Variants in ASB7 observed in about 807,000 individuals in gnomAD.
The protein encoded by ASB7 is ankyrin repeat and SOCS box protein 7.
ASB7 carries 4 observed loss-of-function variants against 32.5 expected under a neutral mutation model. That is an observed-to-expected ratio of 0.12 (90% CI 0.06 to 0.28). The LOEUF (loss-of-function observed/expected upper bound fraction) is 0.28, where lower values mean the gene tolerates loss of function less well. Ranked by LOEUF, ASB7 falls within the 10% of genes least tolerant of loss-of-function variation. The pLI is 1.00. For missense variants in ASB7, 181 were observed against 407.1 expected (o/e 0.44, Z 4.78); for synonymous variants, 172 against 155.6 (o/e 1.11, Z -0.78).
intron 4 of ASB7, among the ~76,000 whole-genome samples, chr15:100,615,429 A>T (rs1347326540): frequency 6.6e-6 from 1 of 152,240 alleles, no homozygotes; most frequent in Non-Finnish European, 1.5e-5. Flanking sequence ...CTATTAATAC[A>T]TATTGATTCA....
At chr15:100,644,617 C>T (rs547299527) in intron 5 of ASB7, among the ~76,000 whole-genome samples, 19 of 152,344 alleles carry the variant, frequency 1.2e-4, no homozygotes, top group Non-Finnish European at 2.5e-4. Flanking sequence ...GTCCTCCCCT[C>T]ATGGAGCATG....
At chr15:100,634,135 G>A (rs2039905162) in intron 5 of ASB7, among the ~76,000 whole-genome samples, 1 of 152,196 alleles carries the variant, frequency 6.6e-6, no homozygotes, top group African/African-American at 2.4e-5. Context: ...CACCCATCCT[G>A]AAGAATCAGA....
chr15:100,629,851 G>A lies in ASB7; in HGVS notation c.626G>A (p.Gly209Asp). The A allele has an allele frequency of 6.2e-7, 1 of 1,614,212 alleles. No homozygotes were observed. The highest frequency in any genetic ancestry group is 8.5e-7 in the Non-Finnish European group (1 of 1,180,036). The change falls in exon 5 of 6, where the codon GGT becomes GAT. Residue 209 changes from glycine to aspartate, a missense_variant. Transcript: ENST00000332783. The surrounding 1 kb of genome is among the most constrained non-coding windows in gnomAD (Gnocchi z 6.8). ...FLQRGADTNL[G>D]RLEDGQTPLH... The stretch of plus-strand genomic sequence containing the variant: ...CAGAGAGGGGCAGACACAAACTTGG[G>A]TCGCTTAGAAGACGGACAGACTCCT...
chr15:100,645,981 G>A (rs1352188368), intron 5 of ASB7: 3 of 508,250 alleles, frequency 5.9e-6, no homozygotes, highest in African/African-American at 1.9e-5. Flanking sequence ...TTCTTGGTCA[G>A]TTTGTGGATT....
At position 100,606,644 on chromosome 15, in the gene ASB7, C is replaced by G. The variant is rs186259629; in HGVS notation, c.-173-3063C>G. ...ATTAGATGGTAATGTACTTGAATTT[C>G]TAAATTAGTAGTTTTTAATATGGTC... On this transcript the variant is annotated intron_variant, in intron 2 of 5. Transcript: ENST00000332783. Among the ~76,000 whole-genome samples the G allele has an allele frequency of 2.6e-3, 399 of 152,276 alleles. 1 individual carries two copies. Among genetic ancestry groups the G allele is most frequent in the Non-Finnish European group, 4.8e-3 (325 of 68,018 alleles).
intron 4 of ASB7, among the ~76,000 whole-genome samples, chr15:100,620,072 A>G (rs2039778206): frequency 6.6e-6 from 1 of 152,208 alleles, no homozygotes; most frequent in African/African-American, 2.4e-5. Context: ...TGGAGAGCAC[A>G]GTTGTCCTTT....
chr15:100,642,258 C>T (rs1261262297), intron 5 of ASB7, among the ~76,000 whole-genome samples: 1 of 152,104 alleles, frequency 6.6e-6, no homozygotes, highest in Admixed American at 6.5e-5. Context: ...CAGTGCTTCC[C>T]TTGAATTGAA....
In ASB7 at chr15:100,624,660, A is replaced by G. The variant is rs189297089; in HGVS notation, c.212-4777A>G. 2.6e-5 allele frequency among the ~76,000 whole-genome samples: 4 copies of G among 152,350 alleles called. No homozygotes were observed. The East Asian group carries it at 7.7e-4, about 29-fold the overall frequency. On this transcript the variant is annotated intron_variant, in intron 4 of 5. Transcript: ENST00000332783. ...AGCTCATAACTAAAACTTTTCACTG[A>G]GAAGACTTTAGGTCCAGCTGGCTTC...
rs2040020224 is a variant in ASB7, at chr15:100,649,930, G to T, written c.*1468G>T. 1 of 152,256 alleles carries T rather than the reference G, an allele frequency of 6.6e-6. No individual in the cohort carries two copies. Among genetic ancestry groups the T allele is most frequent in the African/African-American group, 2.4e-5 (1 of 41,474 alleles). 9.4% of individuals were successfully genotyped at this position (152,256 alleles called of 1,614,324 possible). On this transcript the variant is annotated 3_prime_UTR_variant, in exon 6 of 6. Coordinates refer to ENST00000332783, the MANE Select transcript of ASB7 (RefSeq NM_198243.3). ...CTCTCGTCTGAATTTCTAGATTTAAGTCATGAAGTGTAAAACTGTTTCACC... is the reference window on the plus strand; with the variant it reads ...CTCTCGTCTGAATTTCTAGATTTAATTCATGAAGTGTAAAACTGTTTCACC...
At chr15:100,619,692 G>A (rs573279882) in intron 4 of ASB7, among the ~76,000 whole-genome samples, 6 of 152,088 alleles carry the variant, frequency 3.9e-5, no homozygotes, top group Admixed American at 1.3e-4. Flanking sequence ...TCATATACCC[G>A]CCTGGTAAAA....
At chr15:100,643,466 A>G (rs1597012749) in intron 5 of ASB7, among the ~76,000 whole-genome samples, 2 of 145,294 alleles carry the variant, frequency 1.4e-5, no homozygotes, top group Middle Eastern at 7.4e-3. Flanking sequence ...CTTTTGTCTC[A>G]GTCCCTTCTT....
intron 4 of ASB7, among the ~76,000 whole-genome samples, chr15:100,613,162 T>C (rs1276985397): frequency 1.3e-5 from 2 of 152,196 alleles, no homozygotes. Context: ...CTCTGTAAAT[T>C]ATGGTTGAAA....
chr15:100,612,989 A>C (rs1481721786), intron 4 of ASB7, among the ~76,000 whole-genome samples: 2 of 152,212 alleles, frequency 1.3e-5, no homozygotes, highest in East Asian at 3.8e-4. Context: ...TGCAATTGGA[A>C]ACTATATTTG....
intron 4 of ASB7, among the ~76,000 whole-genome samples, chr15:100,614,951 T>C (rs1044000743): frequency 6.6e-6 from 1 of 152,210 alleles, no homozygotes; most frequent in Non-Finnish European, 1.5e-5. Context: ...TGCTCAATCA[T>C]GGACCCCATT....
chr15:100,638,202 G>A (rs2039937658), intron 5 of ASB7, among the ~76,000 whole-genome samples: 1 of 152,118 alleles, frequency 6.6e-6, no homozygotes, highest in Admixed American at 6.5e-5. Context: ...TTAGCCTAGT[G>A]TTTCAGAATT....
chr15:100,640,574 T>C (rs1379776277), intron 5 of ASB7, among the ~76,000 whole-genome samples: 1 of 152,088 alleles, frequency 6.6e-6, no homozygotes, highest in Non-Finnish European at 1.5e-5. Flanking sequence ...CGCAAATCTT[T>C]CACTTCTTCC....
Position 100,602,920 on chromosome 15 carries a change from C to A in ASB7, c.-399C>A, listed in dbSNP as rs1458786155. 2.5e-6 allele frequency: 1 copy of A among 398,830 alleles called. No homozygotes were observed. The highest frequency in any genetic ancestry group is 2.1e-5 in the African/African-American group (1 of 48,640). 24.7% of individuals were successfully genotyped at this position (398,830 alleles called of 1,614,324 possible). A position where few individuals can be genotyped will look rare whatever the true frequency, so the allele number is the denominator to read the frequency against. ...TGTTCGGATGTTCGCCGGGCTGGGG[C>A]CGTGAGGCACCGAGGAGGATCAGGA... On this transcript the variant is annotated 5_prime_UTR_variant, in exon 1 of 6. Transcript: ENST00000332783.
At chr15:100,609,541 T>C (rs2039676585) in intron 2 of ASB7, 166 bp from the exon 3 acceptor site, 1 of 152,238 alleles carries the variant, frequency 6.6e-6, no homozygotes. Context: ...GATGAACATA[T>C]GTAACAAGAT....
chr15:100,628,231 C>T (rs1253092352), intron 4 of ASB7, among the ~76,000 whole-genome samples: 1 of 152,214 alleles, frequency 6.6e-6, no homozygotes, highest in South Asian at 2.1e-4. Flanking sequence ...TTGTTAGCAA[C>T]TCCTTCACTG....
Sources: gnomAD v4.1 joint callset for allele counts (sites outside exome capture counted in the v4.1 genomes callset) on GRCh38, gnomAD v4.1.1 for gene constraint, Gnocchi (gnomAD v3.1) non-coding constraint, MANE v1.5 for transcripts, NCBI Gene and HGNC (gene_info 2026-07-23, HGNC 2026-07-21) for gene names.